Variants in ATP6V0A1 observed in about 807,000 individuals in gnomAD.
ATP6V0A1 encodes ATPase H+ transporting V0 subunit a1.
In ATP6V0A1, 43 loss-of-function variants were observed where a neutral mutation model predicts 105.4. The observed-to-expected ratio is 0.41, with a 90% CI of 0.32 to 0.53. The LOEUF (loss-of-function observed/expected upper bound fraction) is 0.53, where lower values mean the gene tolerates loss of function less well. Among genes scored for constraint, ATP6V0A1 ranks in the 20% least tolerant of loss-of-function variants. The pLI, the probability that ATP6V0A1 is intolerant of heterozygous loss-of-function variation, is 0.30. For synonymous variants in ATP6V0A1, 362 were observed against 372.8 expected (o/e 0.97, Z 0.33); for missense variants, 676 against 1,051.1 (o/e 0.64, Z 4.93).
At chr17:42,468,909 C>T (rs1296749994) in intron 4 of ATP6V0A1, among the ~76,000 whole-genome samples, 2 of 152,056 alleles carry the variant, frequency 1.3e-5, no homozygotes, top group Non-Finnish European at 1.5e-5. Context: ...ACAGTGACCC[C>T]ATCTTGGCTC....
chr17:42,522,574 C>G lies in ATP6V0A1; in HGVS notation c.*1454C>G, dbSNP rs1567884788. On this transcript the variant is annotated 3_prime_UTR_variant, in exon 22 of 22. Coordinates refer to ENST00000343619, the MANE Select transcript of ATP6V0A1 (RefSeq NM_001130021.3). ...TGTTGAATAAAGTATGTTTGACTTC[C>G]CCGGAGAAGCTGCCTGTCACTGTGC... 1.3e-5 allele frequency: 2 copies of G among 152,558 alleles called. No individual in the cohort carries two copies. 9.5% of individuals were successfully genotyped at this position (152,558 alleles called of 1,614,324 possible).
At chr17:42,495,604 G>C in intron 13 of ATP6V0A1, 22 bp from the exon 14 acceptor site, 1 of 1,576,028 alleles carries the variant, frequency 6.3e-7, no homozygotes, top group Non-Finnish European at 8.7e-7. Flanking sequence ...AAAATAATGT[G>C]ACTTTTTCCC....
chr17:42,500,847 G>A lies in ATP6V0A1; in HGVS notation c.1820G>A (p.Ser607Asn), dbSNP rs2091610981. The change falls in exon 16 of 22, where the codon AGC becomes AAC. Residue 607 changes from serine to asparagine, a missense_variant. Physicochemically the swap from Ser to Asn is conservative, Grantham distance 46. Transcript: ENST00000343619. The stretch of plus-strand genomic sequence containing the variant: ...GCTCATACCTCTGAGAATGCACCAA[G>A]CCTTCTGATCCATTTCATAAACATG... ...YDAHTSENAP[S>N]LLIHFINMFL... 1 of 1,614,126 alleles carries A rather than the reference G, an allele frequency of 6.2e-7. No homozygotes were observed. Among genetic ancestry groups the A allele is most frequent in the Non-Finnish European group, 8.5e-7 (1 of 1,180,012 alleles).
intron 21 of ATP6V0A1, chr17:42,519,637 A>G (rs2092758776): frequency 6.6e-6 from 1 of 152,058 alleles, no homozygotes; most frequent in Non-Finnish European, 1.5e-5. Flanking sequence ...TGGAACTTGG[A>G]GAAGTAGTTT....
chr17:42,481,739 T>G (rs2089533526), intron 8 of ATP6V0A1, among the ~76,000 whole-genome samples: 1 of 152,172 alleles, frequency 6.6e-6, no homozygotes, highest in Non-Finnish European at 1.5e-5. Context: ...GAAAAATAAC[T>G]CTTAAGGACT....
chr17:42,486,316 C>T (rs886918493), intron 9 of ATP6V0A1, among the ~76,000 whole-genome samples: 1 of 151,812 alleles, frequency 6.6e-6, no homozygotes, highest in Non-Finnish European at 1.5e-5. Flanking sequence ...GAGGCTGAGG[C>T]GGGAGAATCG....
chr17:42,495,253 A>T, intron 13 of ATP6V0A1, 65 bp downstream of exon 13: 1 of 1,542,466 alleles, frequency 6.5e-7, no homozygotes. Context: ...GATTTTTAAG[A>T]CAAGTGGTAA....
chr17:42,506,963 C>T (rs1048098660), intron 17 of ATP6V0A1, among the ~76,000 whole-genome samples: 3 of 152,152 alleles, frequency 2.0e-5, no homozygotes, highest in African/African-American at 7.2e-5. Context: ...GTACATTAAG[C>T]ATTTTTTTCC....
intron 17 of ATP6V0A1, among the ~76,000 whole-genome samples, chr17:42,504,437 G>T (rs566761564): frequency 6.6e-6 from 1 of 152,230 alleles, no homozygotes; most frequent in South Asian, 2.1e-4. Flanking sequence ...TTCAGAAATG[G>T]CCTTCTACTT....
At position 42,478,622 on chromosome 17, in the gene ATP6V0A1, G is replaced by A. The variant is rs2089076187; in HGVS notation, c.633+33G>A. 4 of 1,532,734 alleles carry A rather than the reference G, an allele frequency of 2.6e-6. No homozygotes were observed. In the Admixed American group the frequency reaches 5.4e-5, roughly 21 times the overall value. The allele number at this position is 1,532,734 out of a possible 1,614,324, so 94.9% of individuals were successfully genotyped here. A position where few individuals can be genotyped will look rare whatever the true frequency, so the allele number is the denominator to read the frequency against. Reference sequence around the variant, plus strand: ...AAGGAGATTGCATCCTGTGGAGTAGGTCTTGTAAAGGGAGCCCAGAGCAGT... The same window carrying A: ...AAGGAGATTGCATCCTGTGGAGTAGATCTTGTAAAGGGAGCCCAGAGCAGT... On this transcript the variant is annotated intron_variant, in intron 7 of 21. Transcript: ENST00000343619.
intron 9 of ATP6V0A1, among the ~76,000 whole-genome samples, chr17:42,483,385 A>G (rs2145881260): frequency 6.6e-6 from 1 of 152,046 alleles, no homozygotes; most frequent in East Asian, 1.9e-4. Context: ...AGCATATTCA[A>G]TTCCTCTCCA....
intron 5 of ATP6V0A1, chr17:42,470,961 A>G (rs1483745923): frequency 1.3e-5 from 2 of 151,980 alleles, no homozygotes; most frequent in African/African-American, 2.4e-5. Context: ...GGTCTCTACT[A>G]AAAATACAAA....
At position 42,472,360 on chromosome 17, in the gene ATP6V0A1, C is replaced by T. The variant is rs992834872; in HGVS notation, c.423+2142C>T. Among the ~76,000 whole-genome samples the T allele has an allele frequency of 2.0e-5, 3 of 151,904 alleles. 1 individual carries two copies. The highest frequency in any genetic ancestry group is 2.0e-4 in the Admixed American group (3 of 15,262). Reference sequence around the variant, plus strand: ...TGAGCCACTGTGCCTGGTAGAGTCCCATTTTAGTTAGCATCTGCTGTGTTC... The same window carrying T: ...TGAGCCACTGTGCCTGGTAGAGTCCTATTTTAGTTAGCATCTGCTGTGTTC... On this transcript the variant is annotated intron_variant, in intron 5 of 21. Coordinates refer to ENST00000343619, the MANE Select transcript of ATP6V0A1 (RefSeq NM_001130021.3).
rs1189698491 is a variant in ATP6V0A1, at chr17:42,495,719, A to G, written c.1560+3A>G. 6.2e-7 allele frequency: 1 copy of G among 1,609,924 alleles called. No individual in the cohort carries two copies. Among genetic ancestry groups the G allele is most frequent in the South Asian group, 1.1e-5 (1 of 90,980 alleles). On this transcript the variant is annotated splice_donor_region_variant and intron_variant, in intron 14 of 21. Coordinates refer to ENST00000343619, the MANE Select transcript of ATP6V0A1 (RefSeq NM_001130021.3). ...CATACCCTTTTGGCATTGATCCAGT[A>G]AGAGGACTTCCTTCCTATATGCTAA...
intron 5 of ATP6V0A1, among the ~76,000 whole-genome samples, chr17:42,472,538 C>A (rs983068995): frequency 1.2e-4 from 8 of 69,498 alleles, no homozygotes; most frequent in African/African-American, 4.1e-4. Flanking sequence ...GCCTGACCAA[C>A]ATGGTGAAAC....
At position 42,487,216 on chromosome 17, in the gene ATP6V0A1, G is replaced by T. The variant is rs566274919; in HGVS notation, c.872G>T (p.Arg291Leu). The change falls in exon 10 of 22, where the codon CGT (arginine) becomes CTT (leucine). Residue 291 changes from arginine (R) to leucine (L), a missense_variant. By Grantham distance (102) the Arg-to-Leu change is moderately radical (BLOSUM62 -2). Around this residue, in one of 3 missense-constraint regions of ATP6V0A1, gnomAD observed 239 missense variants for 388.4 expected, o/e 0.62. Transcript: ENST00000343619. ...RVLQAAAKNI[R>L]VWFIKVRKMK... The stretch of plus-strand genomic sequence containing the variant: ...CTGCAGGCAGCTGCTAAGAACATCC[G>T]TGTCTGGTTCATCAAAGTGCGGAAG... 1.2e-6 allele frequency: 2 copies of T among 1,614,020 alleles called. No individual in the cohort carries two copies. The highest frequency in any genetic ancestry group is 2.7e-5 in the African/African-American group (2 of 74,922).
chr17:42,461,127 C>A, intron 2 of ATP6V0A1, 116 bp downstream of exon 2: 1 of 838,976 alleles, frequency 1.2e-6, no homozygotes, highest in Non-Finnish European at 2.0e-6. Context: ...ATAGCACTGA[C>A]TTCCTATTGG....
At chr17:42,514,028 C>T (rs765627484) in intron 20 of ATP6V0A1, 50 bp downstream of exon 20, 22 of 1,557,198 alleles carry the variant, frequency 1.4e-5, no homozygotes, top group Middle Eastern at 1.7e-4. Flanking sequence ...CCTCTGTGGG[C>T]GCACTGTCAG....
chr17:42,515,059 A>C (rs146852542), intron 21 of ATP6V0A1, among the ~76,000 whole-genome samples: 229 of 151,346 alleles, frequency 1.5e-3, no homozygotes, highest in African/African-American at 5.5e-3. Flanking sequence ...GAAGCTTGTG[A>C]CTCTTAATGG....
Sources: gnomAD v4.1 joint callset for allele counts (sites outside exome capture counted in the v4.1 genomes callset) on GRCh38, gnomAD v4.1.1 for gene constraint, gnomAD v4.1.1 regional missense constraint, MANE v1.5 for transcripts, NCBI Gene and HGNC (gene_info 2026-07-23, HGNC 2026-07-21) for gene names.